MICAL2: variants seen among roughly 807,000 people sequenced by gnomAD.
The protein encoded by MICAL2 is [F-actin]-monooxygenase MICAL2.
A neutral mutation model predicts 127.3 loss-of-function variants in MICAL2; 77 were observed. The observed-to-expected ratio is 0.60, with a 90% CI of 0.50 to 0.73. The LOEUF (loss-of-function observed/expected upper bound fraction) is 0.73. Ranked by LOEUF, MICAL2 falls within the 30% of genes least tolerant of loss-of-function variation. The pLI, the probability that MICAL2 is intolerant of heterozygous loss-of-function variation, is 0.00. For missense variants in MICAL2, 1,351 were observed against 1,434.4 expected (o/e 0.94, Z 0.94); for synonymous variants, 570 against 551.1 (o/e 1.03, Z -0.48).
chr11:12,191,096 T>G (rs1253231529), intron 3 of MICAL2, among the ~76,000 whole-genome samples: 2 of 152,224 alleles, frequency 1.3e-5, no homozygotes, highest in African/African-American at 2.4e-5. Flanking sequence ...GATACAGCTA[T>G]GAATCAGAGA....
At chr11:12,241,301 TTATAGG>T in intron 18 of MICAL2, 139 bp downstream of exon 18, 1 of 1,096,512 alleles carries the variant, frequency 9.1e-7, no homozygotes, top group Non-Finnish European at 1.3e-6. Context: ...GTCACCACAC[TTATAGG>T]TAAGAATAAC....
At chr11:12,289,654 C>T (rs974415423), downstream of MICAL2, among the ~76,000 whole-genome samples, 8 of 151,288 alleles carry the variant, frequency 5.3e-5, no homozygotes, top group African/African-American at 9.7e-5. Flanking sequence ...CTGCAATCTC[C>T]GCCTCCCAGG....
chr11:12,140,078 A>C (rs11022193), intron 2 of MICAL2, among the ~76,000 whole-genome samples: 14,836 of 152,238 alleles, frequency 0.097, 784 homozygotes, highest in East Asian at 0.23. Context: ...TGGCAGGGTG[A>C]AACATAAAAT....
intron 2 of MICAL2, chr11:12,281,184 C>G (rs1863766277): frequency 2.5e-6 from 1 of 398,454 alleles, no homozygotes; most frequent in Non-Finnish European, 4.4e-6. Context: ...CTTGGAGGAC[C>G]AGGTGACAGG....
chr11:12,200,790 T>A (rs1169561263), intron 3 of MICAL2, among the ~76,000 whole-genome samples: 1 of 152,206 alleles, frequency 6.6e-6, no homozygotes, highest in Non-Finnish European at 1.5e-5. Context: ...ACTGTTTGCG[T>A]GCAAAATGCA....
chr11:12,290,901 T>C (rs1298001080), downstream of MICAL2, among the ~76,000 whole-genome samples: 3 of 152,144 alleles, frequency 2.0e-5, no homozygotes, highest in African/African-American at 7.2e-5. Context: ...CTTCTTGGGA[T>C]GGGACTTGGG....
chr11:12,221,804 A>C, intron 10 of MICAL2, 45 bp downstream of exon 10: 1 of 1,517,382 alleles, frequency 6.6e-7, no homozygotes, highest in Non-Finnish European at 9.1e-7. Flanking sequence ...CAGGGCACTC[A>C]GGCAGGAAAG....
intron 34 of MICAL2, among the ~76,000 whole-genome samples, chr11:12,355,394 A>C (rs1278828721): frequency 6.6e-6 from 1 of 152,196 alleles, no homozygotes; most frequent in Non-Finnish European, 1.5e-5. Context: ...TTCCACCAGG[A>C]AGCAAGGAGA....
intron 1 of MICAL2, among the ~76,000 whole-genome samples, chr11:12,130,050 G>A (rs572726023): frequency 6.6e-6 from 1 of 152,232 alleles, no homozygotes; most frequent in South Asian, 2.1e-4. Flanking sequence ...CCCAGGTCTT[G>A]TTACTCCCGA....
At chr11:12,348,022 C>T (rs1938983340) in intron 32 of MICAL2, among the ~76,000 whole-genome samples, 2 of 151,982 alleles carry the variant, frequency 1.3e-5, no homozygotes, top group Non-Finnish European at 2.9e-5. Flanking sequence ...GGTGTGGTGG[C>T]ACACACCTGT....
At chr11:12,242,066 G>A (rs1860044576) in intron 18 of MICAL2, 148 bp from the exon 19 acceptor site, 2 of 619,114 alleles carry the variant, frequency 3.2e-6, no homozygotes, top group African/African-American at 1.9e-5. Flanking sequence ...AGGTGGTGGA[G>A]AGTCAACACC....
intron 21 of MICAL2, among the ~76,000 whole-genome samples, chr11:12,244,522 TAAG>T (rs1420891231): frequency 6.6e-6 from 1 of 152,236 alleles, no homozygotes; most frequent in Non-Finnish European, 1.5e-5. Context: ...TTTGTCCTAA[TAAG>T]ATGGCAATTT....
In MICAL2 at chr11:12,242,346, G is replaced by A. The variant is rs375354039; in HGVS notation, c.2470G>A (p.Ala824Thr). ...ACAGCTGGGTGGGACAGAAAATTTC[G>A]CTACCCTGCCTTCTACCCGCCCGAG... ...DLQLGGTENF[A>T]TLPSTRPRAQ... Residue 824 changes from alanine to threonine, a missense_variant, in exon 19 of 28, where the codon GCT (alanine) becomes ACT (threonine). Ala to Thr is a moderately conservative substitution (Grantham distance 58, BLOSUM62 0). Transcript: ENST00000683283. 1.1e-5 allele frequency: 17 copies of A among 1,614,122 alleles called. No individual in the cohort carries two copies. The African/African-American group carries it at 1.2e-4, about 11-fold the overall frequency.
intron 32 of MICAL2, among the ~76,000 whole-genome samples, chr11:12,336,534 T>G (rs1938764177): frequency 6.6e-6 from 1 of 152,230 alleles, no homozygotes; most frequent in Non-Finnish European, 1.5e-5. Flanking sequence ...TTGTGCCAGT[T>G]TTCAAAGGGA....
At chr11:12,216,133 G>GTGAGGCAAAT in intron 7 of MICAL2, 86 bp from the exon 8 acceptor site, 1 of 974,540 alleles carries the variant, frequency 1.0e-6, no homozygotes, top group South Asian at 1.4e-5. Flanking sequence ...TAAATAACAA[G>GTGAGGCAAAT]ACCAATAGTG....
intron 1 of MICAL2, chr11:12,276,764 G>A (rs573967262): frequency 1.3e-5 from 2 of 152,334 alleles, no homozygotes; most frequent in South Asian, 2.1e-4. Flanking sequence ...AGACTCTGAG[G>A]AAATAGCAGC....
chr11:12,280,198 A>T (rs1042720552), intron 1 of MICAL2, among the ~76,000 whole-genome samples: 1 of 149,634 alleles, frequency 6.7e-6, no homozygotes, highest in Non-Finnish European at 1.5e-5. Context: ...CATCCATTCC[A>T]TGGGGAAGAG....
rs539914929 is a variant in MICAL2, at chr11:12,122,225, T to TG, written c.-149+11503dup. Reference sequence around the variant, plus strand: ...TCACGGGGAGGTTGTGAGGATTAAATGGGGTAATGGGCGTAGCACACCTCT... The same window carrying TG: ...TCACGGGGAGGTTGTGAGGATTAAATGGGGGTAATGGGCGTAGCACACCTCT... On this transcript the variant is annotated intron_variant, in intron 1 of 27. Transcript: ENST00000683283. Among the ~76,000 whole-genome samples, 22 of 152,290 alleles carry TG rather than the reference T, an allele frequency of 1.4e-4. 1 individual carries two copies. The East Asian group carries it at 4.2e-3, about 29-fold the overall frequency.
intron 17 of MICAL2, 22 bp downstream of exon 17, chr11:12,239,607 C>G: frequency 6.2e-7 from 1 of 1,607,978 alleles, no homozygotes; most frequent in Admixed American, 1.7e-5. Context: ...CAAATACTCA[C>G]TGGACCTAAC....
Sources: gnomAD v4.1 joint callset for allele counts (sites outside exome capture counted in the v4.1 genomes callset) on GRCh38, gnomAD v4.1.1 for gene constraint, MANE v1.5 for transcripts, NCBI Gene and HGNC (gene_info 2026-07-23, HGNC 2026-07-21) for gene names.